The following HCN1 variants were observed in gnomAD, a reference collection of about 807,000 sequenced individuals.
HCN1 encodes hyperpolarization activated cyclic nucleotide gated potassium channel 1.
HCN1 carries 13 observed loss-of-function variants against 78.9 expected under a neutral mutation model. That is an observed-to-expected ratio of 0.16 (90% CI 0.11 to 0.26). The LOEUF is 0.26. HCN1 is among the 10% of genes least tolerant of loss of function. The pLI, the probability that HCN1 is intolerant of heterozygous loss-of-function variation, is 1.00. For missense variants in HCN1, 810 were observed against 1,154.3 expected, an observed-to-expected ratio of 0.70 and a Z score of 4.32; for synonymous variants, 552 against 455.5, an observed-to-expected ratio of 1.21 and a Z score of -2.70.
chr5:45,270,895 T>G (rs931429454), intron 6 of HCN1, among the ~76,000 whole-genome samples: 1 of 152,114 alleles, frequency 6.6e-6, no homozygotes, highest in East Asian at 1.9e-4. Context: ...TAGTCAAATT[T>G]TTTCTAAACC....
chr5:45,323,911 T>C (rs1374936779), intron 5 of HCN1, among the ~76,000 whole-genome samples: 1 of 152,016 alleles, frequency 6.6e-6, no homozygotes, highest in Non-Finnish European at 1.5e-5. Flanking sequence ...TATAGCTGCA[T>C]AGTATTCCAT....
chr5:45,476,160 A>G (rs1010245833), intron 2 of HCN1, among the ~76,000 whole-genome samples: 3 of 151,996 alleles, frequency 2.0e-5, no homozygotes, highest in African/African-American at 7.2e-5. Context: ...GAATCCTAAA[A>G]CCCTCTCTCT....
chr5:45,475,135 A>G (rs1741485990), intron 2 of HCN1, among the ~76,000 whole-genome samples: 1 of 152,020 alleles, frequency 6.6e-6, no homozygotes, highest in African/African-American at 2.4e-5. Context: ...TTATGAGTAT[A>G]TAAAATAAAC....
At chr5:45,500,058 A>G (rs955254248) in intron 2 of HCN1, among the ~76,000 whole-genome samples, 1 of 152,194 alleles carries the variant, frequency 6.6e-6, no homozygotes, top group African/African-American at 2.4e-5. Flanking sequence ...GATATTGACA[A>G]ACATCTTCTC....
At chr5:45,668,115 T>G (rs1276731121) in intron 1 of HCN1, among the ~76,000 whole-genome samples, 6 of 151,974 alleles carry the variant, frequency 3.9e-5, no homozygotes, top group Non-Finnish European at 4.4e-5. Context: ...AAATCAAACT[T>G]TTTTATGCCA....
At chr5:45,605,621 A>C (rs766138626) in intron 2 of HCN1, among the ~76,000 whole-genome samples, 6 of 152,020 alleles carry the variant, frequency 3.9e-5, no homozygotes, top group Non-Finnish European at 7.4e-5. Context: ...GTTTTTGTAC[A>C]TTGTACATGA....
At chr5:45,381,603 A>C (rs1042974650) in intron 4 of HCN1, among the ~76,000 whole-genome samples, 5 of 152,070 alleles carry the variant, frequency 3.3e-5, no homozygotes, top group African/African-American at 1.2e-4. Flanking sequence ...TTACCTTGCT[A>C]AAGAGACATT....
intron 3 of HCN1, among the ~76,000 whole-genome samples, chr5:45,423,877 C>T (rs1283147054): frequency 6.6e-6 from 1 of 151,994 alleles, no homozygotes; most frequent in Admixed American, 6.6e-5. Flanking sequence ...CTACCTAAAC[C>T]TCTTTGAGAG....
chr5:45,435,506 A>G (rs1374190309), intron 3 of HCN1, among the ~76,000 whole-genome samples: 1 of 152,120 alleles, frequency 6.6e-6, no homozygotes, highest in Non-Finnish European at 1.5e-5. Context: ...TATCAATAAG[A>G]TAATATCATA....
Position 45,259,880 on chromosome 5 carries a change from T to C in HCN1, c.*2041A>G, listed in dbSNP as rs549247903. 3.3e-5 allele frequency: 5 copies of C among 152,742 alleles called. No individual in the cohort carries two copies. The highest frequency in any genetic ancestry group is 1.2e-4 in the African/African-American group (5 of 41,584). The allele number at this position is 152,742 out of a possible 1,614,324, so 9.5% of individuals were successfully genotyped here. On this transcript the variant is annotated 3_prime_UTR_variant, in exon 8 of 8. Coordinates refer to ENST00000303230, the MANE Select transcript of HCN1 (RefSeq NM_021072.4). ...AAAATAAAGGAGTTTTGTACTGATA[T>C]GTAAATGGTCTTGCAGCTTTCCCAT... is the stretch of plus-strand genomic sequence containing the variant.
At chr5:45,586,614 C>T (rs1205846534) in intron 2 of HCN1, among the ~76,000 whole-genome samples, 5 of 152,266 alleles carry the variant, frequency 3.3e-5, no homozygotes, top group Non-Finnish European at 7.4e-5. Context: ...TTCTGTGTCG[C>T]TCAGGCTGGG....
chr5:45,281,793 C>T (rs1026689201), intron 6 of HCN1, among the ~76,000 whole-genome samples: 2 of 151,570 alleles, frequency 1.3e-5, no homozygotes, highest in Non-Finnish European at 1.5e-5. Flanking sequence ...GGGGTTTCAC[C>T]ATATTTGCCA....
At chr5:45,445,232 T>C (rs2111579713) in intron 3 of HCN1, among the ~76,000 whole-genome samples, 1 of 152,316 alleles carries the variant, frequency 6.6e-6, no homozygotes, top group South Asian at 2.1e-4. Context: ...CAGGAGATTA[T>C]ATCCCGCACC....
At chr5:45,331,864 T>A (rs769222745) in intron 5 of HCN1, among the ~76,000 whole-genome samples, 1 of 151,468 alleles carries the variant, frequency 6.6e-6, no homozygotes, top group African/African-American at 2.4e-5. Context: ...CAGTAATTCA[T>A]TGAGTTGACA....
At chr5:45,502,553 C>A (rs1163496869) in intron 2 of HCN1, among the ~76,000 whole-genome samples, 7 of 151,958 alleles carry the variant, frequency 4.6e-5, no homozygotes, top group Non-Finnish European at 1.0e-4. Flanking sequence ...ATATTTCTGG[C>A]CTTCATTTTT....
intron 2 of HCN1, among the ~76,000 whole-genome samples, chr5:45,484,353 G>A (rs1175426749): frequency 1.3e-5 from 2 of 152,096 alleles, no homozygotes; most frequent in African/African-American, 4.8e-5. Flanking sequence ...AGAATGGTGT[G>A]AACCCGGGAG....
chr5:45,609,745 T>C (rs1028804586), intron 2 of HCN1, among the ~76,000 whole-genome samples: 2 of 152,020 alleles, frequency 1.3e-5, no homozygotes, highest in Non-Finnish European at 2.9e-5. Flanking sequence ...AGTTTAAAGG[T>C]GAAGACAGAC....
chr5:45,445,015 G>A (rs893231907), intron 3 of HCN1, among the ~76,000 whole-genome samples: 1 of 152,158 alleles, frequency 6.6e-6, no homozygotes, highest in African/African-American at 2.4e-5. Flanking sequence ...TCTCACTAGG[G>A]AGTGCCAGAC....
intron 2 of HCN1, among the ~76,000 whole-genome samples, chr5:45,548,308 C>T (rs1238780380): frequency 6.6e-6 from 1 of 151,574 alleles, no homozygotes; most frequent in Non-Finnish European, 1.5e-5. Context: ...AATGAATATA[C>T]TTTATGTAAA....
Sources: allele counts gnomAD v4.1 joint callset (sites outside exome capture counted in the v4.1 genomes callset), GRCh38; gene constraint gnomAD v4.1.1; transcripts MANE v1.5; gene names NCBI Gene and HGNC (gene_info 2026-07-23, HGNC 2026-07-21).